ABCA5: variants seen among roughly 807,000 people sequenced by gnomAD.
The protein encoded by ABCA5 is cholesterol transporter ABCA5.
ABCA5 carries 163 observed loss-of-function variants against 206.0 expected under a neutral mutation model. The ratio of observed to expected loss-of-function variants is 0.79; its 90% CI spans 0.70 to 0.90. The LOEUF (loss-of-function observed/expected upper bound fraction) is 0.90. Among genes scored for constraint, ABCA5 ranks in the 40% least tolerant of loss-of-function variants. The pLI, the probability that ABCA5 is intolerant of heterozygous loss-of-function variation, is 0.00. For missense variants in ABCA5, 1,859 were observed against 1,912.9 expected (o/e 0.97, Z 0.53); for synonymous variants, 609 against 613.8 (o/e 0.99, Z 0.11).
intron 19 of ABCA5, among the ~76,000 whole-genome samples, chr17:69,276,330 G>A (rs553226701): frequency 2.6e-5 from 4 of 152,108 alleles, no homozygotes; most frequent in South Asian, 2.1e-4. Context: ...CTTGTGATCC[G>A]CCTGCCTTGG....
At chr17:69,299,001 A>C (rs1161694938) in intron 9 of ABCA5, among the ~76,000 whole-genome samples, 2 of 152,158 alleles carry the variant, frequency 1.3e-5, no homozygotes, top group Non-Finnish European at 2.9e-5. Context: ...ATCAAAAAGT[A>C]CGCTAAGAAC....
In ABCA5 at chr17:69,248,206, C is replaced by T. The variant is rs377045955; in HGVS notation, c.4821+56G>A. On this transcript the variant is annotated intron_variant, in intron 38 of 38. Coordinates refer to ENST00000392676, the MANE Select transcript of ABCA5 (RefSeq NM_172232.4). ...CCTCTCTAATATAAACCAAAACAAT[C>T]GATATCAGATACTTTCTTCTATAAA... The T allele has an allele frequency of 3.7e-4, 382 of 1,041,988 alleles. 4 individuals carry two copies. The highest frequency in any genetic ancestry group is 3.0e-3 in the African/African-American group (183 of 61,822). 64.5% of individuals were successfully genotyped at this position (1,041,988 alleles called of 1,614,324 possible). A position where few individuals can be genotyped will look rare whatever the true frequency, so the allele number is the denominator to read the frequency against.
chr17:69,281,740 G>A (rs1277958263), intron 18 of ABCA5, among the ~76,000 whole-genome samples: 1 of 152,080 alleles, frequency 6.6e-6, no homozygotes, highest in Non-Finnish European at 1.5e-5. Context: ...TTTAAAATTT[G>A]ACTACCAAAC....
At chr17:69,304,924 CTG>C in intron 6 of ABCA5, 114 bp from the exon 7 acceptor site, 10 of 923,690 alleles carry the variant, frequency 1.1e-5, no homozygotes, top group Non-Finnish European at 1.1e-5. Flanking sequence ...AATTAAGTCA[CTG>C]TTCATTTCTG....
chr17:69,251,983 A>G (rs1050024614), intron 34 of ABCA5, 117 bp from the exon 35 acceptor site: 94 of 1,070,326 alleles, frequency 8.8e-5, no homozygotes, highest in Non-Finnish European at 1.2e-4. Flanking sequence ...CCAAATATCA[A>G]TTGCTATGGC....
At position 69,244,381 on chromosome 17, in the gene ABCA5, AAAG is replaced by A. The variant is rs1685469251; in HGVS notation, c.*3153_*3155del. 2.7e-5 allele frequency: 4 copies of A among 150,270 alleles called. No homozygotes were observed. Among genetic ancestry groups the A allele is most frequent in the Admixed American group, 2.7e-4 (4 of 15,080 alleles). The allele number at this position is 150,270 out of a possible 1,614,324, so 9.3% of individuals were successfully genotyped here. A position where few individuals can be genotyped will look rare whatever the true frequency, so the allele number is the denominator to read the frequency against. On this transcript the variant is annotated 3_prime_UTR_variant, in exon 39 of 39. Coordinates refer to ENST00000392676, the MANE Select transcript of ABCA5 (RefSeq NM_172232.4). ...TATTCAATTATCAGCACTAAATAAC[AAAG>A]AATTCACTTCAGTATACAAAATGAC...
chr17:69,300,576 C>CT (rs2075641841), intron 9 of ABCA5, among the ~76,000 whole-genome samples: 1 of 151,982 alleles, frequency 6.6e-6, no homozygotes, highest in South Asian at 2.1e-4. Flanking sequence ...GTGGCCTGTG[C>CT]TACTGAAAAA....
At chr17:69,317,158 A>T (rs570682151) in intron 1 of ABCA5, 1 of 152,224 alleles carries the variant, frequency 6.6e-6, no homozygotes, top group African/African-American at 2.4e-5. Flanking sequence ...GCACTTTGGG[A>T]AGCCAAGGCG....
At chr17:69,301,869 C>T (rs2075655897) in intron 8 of ABCA5, among the ~76,000 whole-genome samples, 2 of 152,084 alleles carry the variant, frequency 1.3e-5, no homozygotes, top group Non-Finnish European at 2.9e-5. Flanking sequence ...TCAGTCCTCT[C>T]ATTTATAAAA....
rs747058800 is a variant in ABCA5 at position 69,251,778 on chromosome 17, G to A, written c.4504C>T (p.Arg1502Ter). Reference sequence around the variant, plus strand: ...TGCCCAGACACCATGATAGCTACTCGATCACAGACAGCCTCTGCCTCCTCC... The same window carrying A: ...TGCCCAGACACCATGATAGCTACTCAATCACAGACAGCCTCTGCCTCCTCC... ...YMEEAEAVCD[R>*]VAIMVSGQLR... The change falls in exon 35 of 39, where the codon CGA becomes TGA. Residue 1502 changes from arginine to a stop codon, truncating the protein, a stop_gained. Transcript: ENST00000392676. LOFTEE classifies it high-confidence loss of function. The A allele has an allele frequency of 2.2e-5, 36 of 1,613,796 alleles. No homozygotes were observed. The highest frequency in any genetic ancestry group is 1.5e-4 in the Admixed American group (9 of 59,964).
intron 38 of ABCA5, 54 bp from the exon 39 acceptor site, chr17:69,247,698 G>T (rs1269755531): frequency 7.7e-6 from 8 of 1,040,608 alleles, no homozygotes; most frequent in Non-Finnish European, 1.1e-5. Context: ...GTACCTCAAA[G>T]AACTTTTAAC....
rs1173709137 is a variant in ABCA5 at position 69,302,791 on chromosome 17, TC to T, written c.1045del (p.Glu349LysfsTer7). On this transcript the variant is annotated frameshift_variant, in exon 8 of 39. Coordinates refer to ENST00000392676, the MANE Select transcript of ABCA5 (RefSeq NM_172232.4). LOFTEE classifies it high-confidence loss of function. ...CCACACTAACGATTTGGGAAAACTT[TC>T]TATGAGGATTATCATAAGGCCAATA... ...GFIGLMIILI[E>X]SFPKSLVWLF... The T allele has an allele frequency of 6.2e-7, 1 of 1,600,914 alleles. No homozygotes were observed. The highest frequency in any genetic ancestry group is 8.5e-7 in the Non-Finnish European group (1 of 1,176,718).
chr17:69,324,326 A>T (rs2075884299), intron 1 of ABCA5, among the ~76,000 whole-genome samples: 1 of 152,224 alleles, frequency 6.6e-6, no homozygotes, highest in African/African-American at 2.4e-5. Context: ...TGGTAAAGCT[A>T]GACTCCCAAA....
intron 24 of ABCA5, among the ~76,000 whole-genome samples, chr17:69,263,817 C>T (rs1478956012): frequency 6.6e-6 from 1 of 151,374 alleles, no homozygotes; most frequent in African/African-American, 2.4e-5. Context: ...CTGCCTCAGC[C>T]TCCTGAGTAG....
chr17:69,264,295 G>A (rs1464130541), intron 24 of ABCA5, among the ~76,000 whole-genome samples: 1 of 151,926 alleles, frequency 6.6e-6, no homozygotes, highest in Non-Finnish European at 1.5e-5. Context: ...AATTTTTTGT[G>A]GCTATTGTAA....
Position 69,284,076 on chromosome 17 carries a change from A to G in ABCA5, c.2273-4T>C. On this transcript the variant is annotated splice_region_variant and splice_polypyrimidine_tract_variant and intron_variant, in intron 17 of 38. Coordinates refer to ENST00000392676, the MANE Select transcript of ABCA5 (RefSeq NM_172232.4). ...CTGTCTAGGGCAGAAAACAAACCTA[A>G]AAGAAAAAAATGAAAGAATAGTATA... 6.5e-7 allele frequency: 1 copy of G among 1,548,082 alleles called. No homozygotes were observed. The highest frequency in any genetic ancestry group is 2.4e-5 in the East Asian group (1 of 42,090).
intron 19 of ABCA5, among the ~76,000 whole-genome samples, chr17:69,277,428 T>C (rs1436303931): frequency 6.6e-6 from 1 of 152,200 alleles, no homozygotes; most frequent in Non-Finnish European, 1.5e-5. Context: ...ACTTTATAGA[T>C]GAGACAATAA....
Position 69,247,034 on chromosome 17 carries a change from A to G in ABCA5, c.*503T>C, listed in dbSNP as rs2074959294. ...TATATTGAGATTTCCTAGTGCTTACACTTCAGCTTTTACGGATGACAACTT... is the reference window on the plus strand; with the variant it reads ...TATATTGAGATTTCCTAGTGCTTACGCTTCAGCTTTTACGGATGACAACTT... On this transcript the variant is annotated 3_prime_UTR_variant, in exon 39 of 39. Transcript: ENST00000392676. 1 of 152,190 alleles carries G rather than the reference A, an allele frequency of 6.6e-6. No individual in the cohort carries two copies. The highest frequency in any genetic ancestry group is 1.5e-5 in the Non-Finnish European group (1 of 68,018). The allele number at this position is 152,190 out of a possible 1,614,324, so 9.4% of individuals were successfully genotyped here. A position where few individuals can be genotyped will look rare whatever the true frequency, so the allele number is the denominator to read the frequency against.
At chr17:69,319,671 T>C (rs576167794) in intron 1 of ABCA5, among the ~76,000 whole-genome samples, 1 of 152,208 alleles carries the variant, frequency 6.6e-6, no homozygotes, top group Non-Finnish European at 1.5e-5. Context: ...ACATTCTTAC[T>C]CTAAGCTTTC....
Sources: gnomAD v4.1 joint callset for allele counts (sites outside exome capture counted in the v4.1 genomes callset) on GRCh38, gnomAD v4.1.1 for gene constraint, MANE v1.5 for transcripts, NCBI Gene and HGNC (gene_info 2026-07-23, HGNC 2026-07-21) for gene names.